The following CASK variants were observed in gnomAD, a reference collection of about 807,000 sequenced individuals.
CASK encodes the protein peripheral plasma membrane protein CASK.
A neutral mutation model predicts 82.9 loss-of-function variants in CASK; 4 were observed. The ratio of observed to expected loss-of-function variants is 0.05; its 90% CI spans 0.02 to 0.11. The LOEUF (loss-of-function observed/expected upper bound fraction) is 0.11, where lower values mean the gene tolerates loss of function less well. Among genes scored for constraint, CASK ranks in the 10% least tolerant of loss-of-function variants. The pLI is 1.00. For synonymous variants in CASK, 259 were observed against 253.5 expected (o/e 1.02, Z -0.20); for missense variants, 358 against 720.9 (o/e 0.50, Z 5.76).
At chrX:41,590,226 G>T (rs1022341190) in intron 12 of CASK, 1 of 112,160 alleles carries the variant, frequency 8.9e-6, no homozygotes, top group African/African-American at 3.3e-5. Flanking sequence ...GCAAATATAC[G>T]CTGGGAGCGA....
chrX:41,660,247 C>T (rs1424763059), intron 8 of CASK, 192 bp downstream of exon 8: 2 of 467,006 alleles, frequency 4.3e-6, no homozygotes, highest in Admixed American at 3.3e-5. Flanking sequence ...AGCTGCATGA[C>T]ACTCAAATGG....
At chrX:41,697,942 C>T (rs2067720188) in intron 5 of CASK, 1 of 110,433 alleles carries the variant, frequency 9.1e-6, no homozygotes. Flanking sequence ...GCTGGGATTA[C>T]AGGCGCATGC....
chrX:41,665,530 A>G (rs1012102309), intron 6 of CASK, 78 bp from the exon 7 acceptor site: 1 of 680,988 alleles, frequency 1.5e-6, no homozygotes, highest in Non-Finnish European at 2.2e-6. Flanking sequence ...TAATAGAACA[A>G]TAACAATCCA....
intron 14 of CASK, among the ~76,000 whole-genome samples, chrX:41,581,058 A>G (rs889454773): frequency 8.9e-6 from 1 of 111,990 alleles, no homozygotes; most frequent in Non-Finnish European, 1.9e-5. Context: ...TCAGTGAGAT[A>G]ATATTCTTTT....
intron 3 of CASK, among the ~76,000 whole-genome samples, chrX:41,762,207 C>T (rs1036124818): frequency 8.9e-6 from 1 of 112,002 alleles, no homozygotes; most frequent in African/African-American, 3.2e-5. Flanking sequence ...AGCTCTTCTC[C>T]TCTAATACTG....
intron 6 of CASK, among the ~76,000 whole-genome samples, chrX:41,668,205 T>C (rs887765152): frequency 9.0e-6 from 1 of 111,688 alleles, no homozygotes; most frequent in African/African-American, 3.3e-5. Flanking sequence ...TGGAGGTATG[T>C]AGCCCAGATA....
intron 1 of CASK, among the ~76,000 whole-genome samples, chrX:41,855,636 G>A (rs1475595276): frequency 9.0e-6 from 1 of 111,063 alleles, no homozygotes; most frequent in Non-Finnish European, 1.9e-5. Flanking sequence ...TTTCAGTCTG[G>A]CCTGTACATT....
At chrX:41,604,772 T>C (rs946902330) in intron 12 of CASK, among the ~76,000 whole-genome samples, 9 of 112,458 alleles carry the variant, frequency 8.0e-5, no homozygotes, top group Admixed American at 7.6e-4. Flanking sequence ...AAGCAGTTCC[T>C]CATGCCTCTG....
intron 17 of CASK, 64 bp downstream of exon 17, chrX:41,561,495 A>G: frequency 2.6e-6 from 2 of 769,852 alleles, no homozygotes; most frequent in Non-Finnish European, 4.0e-6. Flanking sequence ...TTATTTGTAT[A>G]TTTAAAAACA....
Position 41,516,120 on chromosome X carries a change from C to G in CASK, c.*4300G>C, listed in dbSNP as rs1226460985. ...AGATGGTGCGGCCCTCTTTCTACTT[C>G]TGTTTCTGTGGGCTCTGTCTGCCCA... On this transcript the variant is annotated 3_prime_UTR_variant, in exon 27 of 27. Transcript: ENST00000378163. 2 of 112,634 alleles carry G rather than the reference C, an allele frequency of 1.8e-5. No individual in the cohort carries two copies. The highest frequency in any genetic ancestry group is 6.4e-5 in the African/African-American group (2 of 31,028). The allele number at this position is 112,634 out of a possible 1,213,427, so 9.3% of individuals were successfully genotyped here.
chrX:41,771,597 G>C (rs1022257910), intron 3 of CASK, among the ~76,000 whole-genome samples: 1 of 111,553 alleles, frequency 9.0e-6, no homozygotes, highest in Non-Finnish European at 1.9e-5. Context: ...CACTGTTCAG[G>C]AGGACAATAA....
At chrX:41,601,112 G>T (rs936430644) in intron 12 of CASK, among the ~76,000 whole-genome samples, 1 of 111,404 alleles carries the variant, frequency 9.0e-6, no homozygotes, top group Non-Finnish European at 1.9e-5. Context: ...GGGTGAATGG[G>T]AGTCAGTATT....
At chrX:41,731,210 A>C (rs1174251249) in intron 5 of CASK, among the ~76,000 whole-genome samples, 1 of 112,464 alleles carries the variant, frequency 8.9e-6, no homozygotes, top group Non-Finnish European at 1.9e-5. Flanking sequence ...ACTTGAGCCC[A>C]GGAGTTTGAG....
Position 41,828,336 on chromosome X carries a change from A to C in CASK, c.172+24779T>G, listed in dbSNP as rs773901327. Among the ~76,000 whole-genome samples the C allele has an allele frequency of 1.3e-3, 149 of 111,814 alleles. 2 individuals are homozygous for C. The highest frequency in any genetic ancestry group is 4.6e-3 in the African/African-American group (143 of 30,775). On this transcript the variant is annotated intron_variant, in intron 2 of 26. Transcript: ENST00000378163. ...TCTCGTGCAAGAGATGGGTATTTTC[A>C]AACGACATGAGGGGAGAGGATCATA...
intron 11 of CASK, among the ~76,000 whole-genome samples, chrX:41,612,632 C>T (rs1218103574): frequency 1.1e-4 from 10 of 93,404 alleles, no homozygotes; most frequent in Non-Finnish European, 1.1e-4. Context: ...GCCCGGCCAG[C>T]CGCCCCGTCC....
intron 9 of CASK, among the ~76,000 whole-genome samples, chrX:41,633,034 A>ACT (rs2066495933): frequency 3.2e-5 from 3 of 92,565 alleles, no homozygotes; most frequent in African/African-American, 3.9e-5. Flanking sequence ...ATGGAGTAAG[A>ACT]CTCTCTCAAA....
At chrX:41,627,568 T>C (rs1490008040) in intron 9 of CASK, among the ~76,000 whole-genome samples, 2 of 111,530 alleles carry the variant, frequency 1.8e-5, no homozygotes, top group Non-Finnish European at 3.8e-5. Flanking sequence ...CACCCTCCCC[T>C]ATTCTGAGTC....
chrX:41,586,708 G>C (rs2065662983), intron 14 of CASK, 199 bp downstream of exon 14: 3 of 404,434 alleles, frequency 7.4e-6, no homozygotes, highest in African/African-American at 5.0e-5. Flanking sequence ...ACTTCACCAA[G>C]AGTATCTTTA....
At chrX:41,695,660 G>A (rs566277310) in intron 5 of CASK, 2 of 1,200,917 alleles carry the variant, frequency 1.7e-6, no homozygotes, top group African/African-American at 3.5e-5. Flanking sequence ...TAACAATGAC[G>A]ACAACTTCAG....
Sources: gnomAD v4.1 joint callset for allele counts (sites outside exome capture counted in the v4.1 genomes callset) on GRCh38, gnomAD v4.1.1 for gene constraint, MANE v1.5 for transcripts, NCBI Gene and HGNC (gene_info 2026-07-23, HGNC 2026-07-21) for gene names.